Variants in PUDP observed in about 807,000 individuals in gnomAD.
PUDP encodes pseudouridine-5'-phosphatase.
In PUDP, 8 loss-of-function variants were observed where a neutral mutation model predicts 9.4. The observed-to-expected ratio is 0.85, with a 90% CI of 0.50 to 1.53. PUDP has a LOEUF of 1.53. PUDP is among the 40% of genes most tolerant of loss of function. The pLI is 0.00. For synonymous variants in PUDP, 99 were observed against 80.7 expected, an observed-to-expected ratio of 1.23 and a Z score of -1.22; for missense variants, 188 against 189.7, an observed-to-expected ratio of 0.99 and a Z score of 0.05.
At chrX:6,979,397 T>C (rs1196301013) in intron 1 of PUDP, among the ~76,000 whole-genome samples, 1 of 111,848 alleles carries the variant, frequency 8.9e-6, no homozygotes, top group African/African-American at 3.2e-5. Flanking sequence ...AAATTGCCGA[T>C]TATAGTGTTC....
Position 6,838,125 on chromosome X carries a change from T to G in PUDP, c.*248-131659A>C, listed in dbSNP as rs933142629. Reference sequence around the variant, plus strand: ...ATGACCTGTTCTGTCTGCTTTCTTATCCCCCTCGCCAGTGAGGATGTGTTA... The same window carrying G: ...ATGACCTGTTCTGTCTGCTTTCTTAGCCCCCTCGCCAGTGAGGATGTGTTA... On this transcript the variant is annotated intron_variant and NMD_transcript_variant, in intron 3 of 3. Transcript: ENST00000655425. Among the ~76,000 whole-genome samples, 3 of 112,367 alleles carry G rather than the reference T, an allele frequency of 2.7e-5. No individual in the cohort carries two copies. In the Admixed American group the frequency reaches 2.8e-4, roughly 11 times the overall value.
chrX:6,848,279 C>T (rs899838599), intron 3 of PUDP, among the ~76,000 whole-genome samples: 3 of 111,258 alleles, frequency 2.7e-5, no homozygotes, highest in Non-Finnish European at 5.7e-5. Flanking sequence ...ATAGGGTGGC[C>T]GTTCAACAGG....
At chrX:6,783,154 T>C (rs1367078223) in intron 3 of PUDP, among the ~76,000 whole-genome samples, 4 of 111,935 alleles carry the variant, frequency 3.6e-5, no homozygotes, top group East Asian at 2.8e-4. Context: ...AATATCCCTA[T>C]ATCTTGAGAA....
chrX:6,987,447 T>C (rs753717759), intron 1 of PUDP, among the ~76,000 whole-genome samples: 1 of 112,205 alleles, frequency 8.9e-6, no homozygotes, highest in African/African-American at 3.2e-5. Flanking sequence ...ATGAATTTCT[T>C]AACATCACTG....
chrX:6,814,623 A>G (rs1165922180), intron 3 of PUDP, among the ~76,000 whole-genome samples: 1 of 112,049 alleles, frequency 8.9e-6, no homozygotes, highest in Non-Finnish European at 1.9e-5. Flanking sequence ...AAAAAATGAG[A>G]AAGCTGGGAT....
chrX:6,924,136 T>C (rs1928065728), intron 3 of PUDP, among the ~76,000 whole-genome samples: 1 of 111,484 alleles, frequency 9.0e-6, no homozygotes, highest in South Asian at 3.8e-4. Context: ...CATACTCCCT[T>C]CTTTGTTGAT....
intron 3 of PUDP, among the ~76,000 whole-genome samples, chrX:6,869,431 A>G (rs1360263529): frequency 9.0e-6 from 1 of 111,603 alleles, no homozygotes; most frequent in Non-Finnish European, 1.9e-5. Context: ...GGCTGGCAAA[A>G]CTAAAAATCT....
chrX:6,893,647 A>G (rs1927547736), intron 3 of PUDP, among the ~76,000 whole-genome samples: 1 of 112,089 alleles, frequency 8.9e-6, no homozygotes, highest in African/African-American at 3.2e-5. Flanking sequence ...CCTATTGGTA[A>G]CATTATTCTA....
At chrX:6,865,900 G>C (rs1392931009) in intron 3 of PUDP, among the ~76,000 whole-genome samples, 2 of 102,455 alleles carry the variant, frequency 2.0e-5, no homozygotes, top group African/African-American at 7.2e-5. Flanking sequence ...CAATGGAAAT[G>C]TAAGTTTGTT....
intron 3 of PUDP, among the ~76,000 whole-genome samples, chrX:6,784,507 G>C (rs1370133346): frequency 9.0e-6 from 1 of 111,279 alleles, no homozygotes; most frequent in Non-Finnish European, 1.9e-5. Flanking sequence ...CTACCGAAGG[G>C]AAACCAGCTT....
chrX:6,937,175 T>G (rs1365241585), intron 3 of PUDP, among the ~76,000 whole-genome samples: 20 of 74,251 alleles, frequency 2.7e-4, no homozygotes, highest in East Asian at 9.6e-4. Context: ...CATCGCCAAG[T>G]CAATCCTAAG....
chrX:6,852,446 G>A (rs1926839943), intron 3 of PUDP, among the ~76,000 whole-genome samples: 2 of 112,038 alleles, frequency 1.8e-5, no homozygotes, highest in African/African-American at 3.2e-5. Context: ...GCACTTGGGT[G>A]TAGGGCTCAC....
At position 6,890,098 on chromosome X, in the gene PUDP, G is replaced by A. The variant is rs1348834760; in HGVS notation, c.*247+87035C>T. Among the ~76,000 whole-genome samples, 18 of 111,830 alleles carry A rather than the reference G, an allele frequency of 1.6e-4. No individual in the cohort carries two copies. The Admixed American group carries it at 1.7e-3, about 11-fold the overall frequency. On this transcript the variant is annotated intron_variant and NMD_transcript_variant, in intron 3 of 3. Transcript: ENST00000655425. ...AGGAAGACAAGAGAAAATATGGCAT[G>A]CATGTCAGAGGTATGGTTTCCACAT...
At chrX:7,117,408 T>C (rs373159121) in intron 1 of PUDP, among the ~76,000 whole-genome samples, 1 of 112,622 alleles carries the variant, frequency 8.9e-6, no homozygotes, top group South Asian at 3.6e-4. Flanking sequence ...AGCAAAGAAC[T>C]TGGCTGCATT....
chrX:6,987,412 G>A (rs946472855), intron 1 of PUDP, among the ~76,000 whole-genome samples: 25 of 111,963 alleles, frequency 2.2e-4, no homozygotes, highest in African/African-American at 7.8e-4. Flanking sequence ...TCATTTTGCA[G>A]TAACTGCTGA....
At chrX:7,089,660 A>G (rs181737967) in intron 2 of PUDP, among the ~76,000 whole-genome samples, 1 of 112,030 alleles carries the variant, frequency 8.9e-6, no homozygotes, top group Non-Finnish European at 1.9e-5. Context: ...ACCTGTGAAA[A>G]TGAGATGAAG....
chrX:6,910,270 T>A (rs1481519091), intron 3 of PUDP, among the ~76,000 whole-genome samples: 1 of 112,020 alleles, frequency 8.9e-6, no homozygotes, highest in African/African-American at 3.2e-5. Flanking sequence ...AGAGAAAACA[T>A]GTGTTTTAAC....
rs187333600 is a variant in PUDP, at chrX:7,148,127, G to A, written c.-14C>T. 23,932 of 1,105,201 alleles carry A rather than the reference G, an allele frequency of 0.022. 261 individuals carry two copies. The highest frequency in any genetic ancestry group is 0.022 in the Non-Finnish European group (18,446 of 833,271). The allele number at this position is 1,105,201 out of a possible 1,213,427, so 91.1% of individuals were successfully genotyped here. A position where few individuals can be genotyped will look rare whatever the true frequency, so the allele number is the denominator to read the frequency against. On this transcript the variant is annotated 5_prime_UTR_variant, in exon 1 of 4. Coordinates refer to ENST00000381077, the MANE Select transcript of PUDP (RefSeq NM_012080.5). ...GGGCGCCGCCATGGTGGCGCCTTCT[G>A]GGTCTGGGTGGGGGCGAGGAGGAAG... is the stretch of plus-strand genomic sequence containing the variant.
chrX:6,708,741 G>A (rs755629096), intron 1 of PUDP, among the ~76,000 whole-genome samples: 6 of 111,856 alleles, frequency 5.4e-5, no homozygotes, highest in Non-Finnish European at 7.5e-5. Context: ...AACCCTCTGA[G>A]GATGAATAGC....
Sources: allele counts gnomAD v4.1 joint callset (sites outside exome capture counted in the v4.1 genomes callset), GRCh38; gene constraint gnomAD v4.1.1; transcripts MANE v1.5; gene names NCBI Gene and HGNC (gene_info 2026-07-23, HGNC 2026-07-21).